AKR1D1: variants seen among roughly 807,000 people sequenced by gnomAD.
AKR1D1 encodes delta(4)-3-ketosteroid 5-beta-reductase.
In AKR1D1, 32 loss-of-function variants were observed where a neutral mutation model predicts 42.6. That is an observed-to-expected ratio of 0.75 (90% CI 0.57 to 1.01). The LOEUF is 1.01. Ranked by LOEUF, AKR1D1 falls within the 50% of genes least tolerant of loss-of-function variation. The pLI, the probability that AKR1D1 is intolerant of heterozygous loss-of-function variation, is 0.00. For synonymous variants in AKR1D1, 123 were observed against 135.5 expected, an observed-to-expected ratio of 0.91 and a Z score of 0.64; for missense variants, 364 against 402.2, an observed-to-expected ratio of 0.91 and a Z score of 0.81.
intron 1 of AKR1D1, among the ~76,000 whole-genome samples, chr7:138,088,182 C>T (rs1585723718): frequency 6.6e-6 from 1 of 152,320 alleles, no homozygotes; most frequent in East Asian, 1.9e-4. Flanking sequence ...TGAGCCACCA[C>T]ACCAGGCCCA....
intron 2 of AKR1D1, among the ~76,000 whole-genome samples, chr7:138,089,655 C>T (rs1045537770): frequency 3.9e-5 from 6 of 152,082 alleles, no homozygotes; most frequent in Admixed American, 3.3e-4. Flanking sequence ...CCAAAAAGTA[C>T]AGTTGTGAAT....
chr7:138,107,198 G>A (rs1274212394), intron 6 of AKR1D1: 3 of 722,312 alleles, frequency 4.2e-6, no homozygotes, highest in African/African-American at 1.7e-5. Context: ...ACCCTCTGAA[G>A]GAGGCAGCTC....
intron 3 of AKR1D1, among the ~76,000 whole-genome samples, chr7:138,094,711 G>C (rs1328116127): frequency 6.6e-6 from 1 of 152,104 alleles, no homozygotes; most frequent in Non-Finnish European, 1.5e-5. Context: ...GTAGAGACAG[G>C]GTCTCGCTAT....
rs187095428 is a variant in AKR1D1, at chr7:138,087,188, T to C, written c.94-1413T>C. On this transcript the variant is annotated intron_variant, in intron 1 of 8. Transcript: ENST00000242375. The stretch of plus-strand genomic sequence containing the variant: ...CTCACTTCCAAGGGTGTACCTTGAT[T>C]GCTGCATTCTCTGGAGAGGAGAAAC... Among the ~76,000 whole-genome samples, 7 of 152,278 alleles carry C rather than the reference T, an allele frequency of 4.6e-5. No individual in the cohort carries two copies. The East Asian group carries it at 1.2e-3, about 25-fold the overall frequency.
intron 1 of AKR1D1, among the ~76,000 whole-genome samples, chr7:138,085,446 CTTTT>C (rs67935838): frequency 7.7e-6 from 1 of 129,788 alleles, no homozygotes; most frequent in Admixed American, 8.2e-5. Context: ...CTTTTCTTTC[CTTTT>C]TTTTTTTTTT....
intron 4 of AKR1D1, among the ~76,000 whole-genome samples, chr7:138,101,843 T>C (rs958745563): frequency 1.3e-5 from 2 of 152,148 alleles, no homozygotes; most frequent in African/African-American, 4.8e-5. Flanking sequence ...AGATGTTAAT[T>C]TTCCCCAAAT....
At chr7:138,102,821 C>T (rs1477141324) in intron 4 of AKR1D1, among the ~76,000 whole-genome samples, 2 of 151,914 alleles carry the variant, frequency 1.3e-5, no homozygotes, top group African/African-American at 4.8e-5. Flanking sequence ...TTGTGCAAAC[C>T]TCTTCCTAAC....
At chr7:138,107,287 G>A (rs368666290) in intron 6 of AKR1D1, 128 bp from the exon 7 acceptor site, 3 of 971,726 alleles carry the variant, frequency 3.1e-6, no homozygotes, top group African/African-American at 3.2e-5. Context: ...AGAGAAACTG[G>A]TTACAGGTGA....
Position 138,106,726 on chromosome 7 carries a change from A to C in AKR1D1, c.689+9A>C. 1 of 1,571,708 alleles carries C rather than the reference A, an allele frequency of 6.4e-7. No homozygotes were observed. Among genetic ancestry groups the C allele is most frequent in the Non-Finnish European group, 8.8e-7 (1 of 1,141,362 alleles). ...AGTAGGAATCCAATCTGGTAAGTAA[A>C]ACTTTAGGAAGCATTTCCTTTGGTG... On this transcript the variant is annotated intron_variant, in intron 6 of 8. Coordinates refer to ENST00000242375, the MANE Select transcript of AKR1D1 (RefSeq NM_005989.4).
chr7:138,082,175 G>A (rs1306692772), intron 1 of AKR1D1, among the ~76,000 whole-genome samples: 1 of 152,102 alleles, frequency 6.6e-6, no homozygotes, highest in East Asian at 1.9e-4. Flanking sequence ...ATTCCTTCTT[G>A]CTATGTCCGA....
At chr7:138,102,725 T>C (rs1478020282) in intron 4 of AKR1D1, among the ~76,000 whole-genome samples, 5 of 152,244 alleles carry the variant, frequency 3.3e-5, no homozygotes, top group Non-Finnish European at 7.3e-5. Context: ...TATGGTCAGT[T>C]GATTTTCAAC....
chr7:138,116,539 A>C, intron 8 of AKR1D1, 81 bp from the exon 9 acceptor site: 1 of 1,483,378 alleles, frequency 6.7e-7, no homozygotes, highest in South Asian at 1.1e-5. Flanking sequence ...TGGTCAGTGA[A>C]ATTCTCAAAG....
Position 138,116,283 on chromosome 7 carries a change from C to T in AKR1D1, c.939-337C>T, listed in dbSNP as rs147505230. On this transcript the variant is annotated intron_variant, in intron 8 of 8. Coordinates refer to ENST00000242375, the MANE Select transcript of AKR1D1 (RefSeq NM_005989.4). ...GTGGATTGGAGAAGGAGGCAGCCAG[C>T]GTCAAGGGAACAGAAAGGGGGAAGG... 5.9e-4 allele frequency among the ~76,000 whole-genome samples: 90 copies of T among 152,130 alleles called. 2 individuals are homozygous for T. The East Asian group carries it at 0.017, about 29-fold the overall frequency.
At chr7:138,091,215 T>G (rs1309623645) in intron 2 of AKR1D1, 1 of 159,380 alleles carries the variant, frequency 6.3e-6, no homozygotes, top group African/African-American at 2.4e-5. Flanking sequence ...TAGATTTGCA[T>G]AAAATTATGT....
At chr7:138,097,268 G>T (rs537200664) in intron 3 of AKR1D1, among the ~76,000 whole-genome samples, 3 of 152,194 alleles carry the variant, frequency 2.0e-5, no homozygotes, top group Non-Finnish European at 4.4e-5. Flanking sequence ...CCGTTAGGTT[G>T]ATTTCCCCAG....
At chr7:138,096,451 T>C (rs529864733) in intron 3 of AKR1D1, among the ~76,000 whole-genome samples, 1 of 152,250 alleles carries the variant, frequency 6.6e-6, no homozygotes, top group Non-Finnish European at 1.5e-5. Flanking sequence ...CCTCCTCGTC[T>C]GAGCCCTTTT....
chr7:138,110,026 C>A (rs1794506699), intron 7 of AKR1D1, among the ~76,000 whole-genome samples: 1 of 151,050 alleles, frequency 6.6e-6, no homozygotes, highest in African/African-American at 2.4e-5. Flanking sequence ...TCACATATTC[C>A]AAGAAAAAAA....
chr7:138,079,563 G>C (rs1358214635), intron 1 of AKR1D1, among the ~76,000 whole-genome samples: 1 of 152,210 alleles, frequency 6.6e-6, no homozygotes, highest in African/African-American at 2.4e-5. Context: ...TAATAATCCA[G>C]TTGTTGGCCA....
chr7:138,114,660 C>CAAAA (rs34437071), intron 8 of AKR1D1, among the ~76,000 whole-genome samples: 3 of 87,362 alleles, frequency 3.4e-5, no homozygotes, highest in African/African-American at 4.5e-5. Context: ...AACTCCATCT[C>CAAAA]AAAAAAAAAA....
Sources: gnomAD v4.1 joint callset for allele counts (sites outside exome capture counted in the v4.1 genomes callset) on GRCh38, gnomAD v4.1.1 for gene constraint, MANE v1.5 for transcripts, NCBI Gene and HGNC (gene_info 2026-07-23, HGNC 2026-07-21) for gene names.